SLC8A1: variants seen among roughly 807,000 people sequenced by gnomAD.
SLC8A1 encodes sodium/calcium exchanger 1.
In SLC8A1, 18 loss-of-function variants were observed where a neutral mutation model predicts 68.3. That is an observed-to-expected ratio of 0.26 (90% CI 0.18 to 0.39). The LOEUF (loss-of-function observed/expected upper bound fraction) is 0.39. Ranked by LOEUF, SLC8A1 falls within the 10% of genes least tolerant of loss-of-function variation. SLC8A1 has a pLI of 1.00. For missense variants in SLC8A1, 985 were observed against 1,156.7 expected (o/e 0.85, Z 2.15); for synonymous variants, 475 against 415.5 (o/e 1.14, Z -1.74).
At chr2:40,417,147 G>C (rs910612319) in intron 2 of SLC8A1, among the ~76,000 whole-genome samples, 2 of 151,968 alleles carry the variant, frequency 1.3e-5, no homozygotes, top group Non-Finnish European at 2.9e-5. Context: ...ATGACCAATT[G>C]TTATTTTTAC....
chr2:40,196,560 G>A (rs2053073835), intron 2 of SLC8A1, among the ~76,000 whole-genome samples: 1 of 151,942 alleles, frequency 6.6e-6, no homozygotes, highest in African/African-American at 2.4e-5. Context: ...TAGATGAAAG[G>A]TGAGCATGGG....
chr2:40,384,931 C>T (rs1008804718), intron 2 of SLC8A1, among the ~76,000 whole-genome samples: 1 of 151,938 alleles, frequency 6.6e-6, no homozygotes, highest in African/African-American at 2.4e-5. Flanking sequence ...ACAAGGATTG[C>T]ATAATCAAGG....
intron 7 of SLC8A1, among the ~76,000 whole-genome samples, chr2:40,135,827 A>G (rs1256797239): frequency 1.3e-5 from 2 of 152,206 alleles, no homozygotes; most frequent in Non-Finnish European, 2.9e-5. Context: ...TTCTCCTGAG[A>G]AAGGCAAGAT....
chr2:40,398,370 G>C (rs773008483), intron 2 of SLC8A1, among the ~76,000 whole-genome samples: 1 of 152,070 alleles, frequency 6.6e-6, no homozygotes, highest in Non-Finnish European at 1.5e-5. Context: ...CATATGTCAT[G>C]GTACTGTCTT....
In SLC8A1 at chr2:40,411,628, A is replaced by C. The variant is rs1293780783; in HGVS notation, c.1808+16845T>G. On this transcript the variant is annotated intron_variant, in intron 2 of 7. Transcript: ENST00000406785. ...CAAAAACAATGTCAAAACAAAAACA[A>C]ACAATAGGGGCCTCATTAAATAAAT... 2.6e-5 allele frequency among the ~76,000 whole-genome samples: 4 copies of C among 152,052 alleles called. No individual in the cohort carries two copies. The South Asian group carries it at 6.2e-4, about 24-fold the overall frequency.
intron 2 of SLC8A1, among the ~76,000 whole-genome samples, chr2:40,333,765 A>G (rs553353633): frequency 2.6e-5 from 4 of 151,788 alleles, no homozygotes; most frequent in Non-Finnish European, 4.4e-5. Context: ...AAATATCAAT[A>G]TGGGCTGGGC....
At chr2:40,120,341 A>G (rs1265572804) in intron 7 of SLC8A1, among the ~76,000 whole-genome samples, 1 of 152,160 alleles carries the variant, frequency 6.6e-6, no homozygotes, top group African/African-American at 2.4e-5. Flanking sequence ...ACCTTGACGT[A>G]TTCGTTCACT....
chr2:40,161,532 T>G (rs1460133523), intron 5 of SLC8A1, among the ~76,000 whole-genome samples: 2 of 152,200 alleles, frequency 1.3e-5, no homozygotes, highest in Non-Finnish European at 2.9e-5. Flanking sequence ...AAATCTCCCC[T>G]GCTTTACTGG....
In SLC8A1 at chr2:40,364,194, TA is replaced by T. The variant is rs1409480407; in HGVS notation, c.1808+64278del. On this transcript the variant is annotated intron_variant, in intron 2 of 7. Transcript: ENST00000406785. ...TATCAGATAATTAAAACAAAACATATAAAAACATATCAGCTGATATTATTTT... is the reference window on the plus strand; with the variant it reads ...TATCAGATAATTAAAACAAAACATATAAAACATATCAGCTGATATTATTTT... 4.6e-5 allele frequency among the ~76,000 whole-genome samples: 7 copies of T among 152,078 alleles called. No homozygotes were observed. The South Asian group carries it at 1.2e-3, about 27-fold the overall frequency.
At chr2:40,439,650 C>T (rs556513661) in intron 1 of SLC8A1, among the ~76,000 whole-genome samples, 37 of 152,170 alleles carry the variant, frequency 2.4e-4, no homozygotes, top group African/African-American at 8.2e-4. Context: ...TGAATTTCAT[C>T]AGCTTTTTCA....
chr2:40,208,676 C>A (rs1178665657), intron 2 of SLC8A1, among the ~76,000 whole-genome samples: 3 of 152,136 alleles, frequency 2.0e-5, no homozygotes, highest in Non-Finnish European at 2.9e-5. Context: ...GAAAGAGTTG[C>A]CAAATTTGGG....
At chr2:40,332,510 T>C (rs1445739222) in intron 2 of SLC8A1, among the ~76,000 whole-genome samples, 1 of 152,136 alleles carries the variant, frequency 6.6e-6, no homozygotes, top group East Asian at 1.9e-4. Context: ...ACTCCAGTCT[T>C]CCCTCAACTT....
rs1362111516 is a variant in SLC8A1, at chr2:40,462,172, A to G, written c.-24-31868T>C. Among the ~76,000 whole-genome samples the G allele has an allele frequency of 3.3e-5, 5 of 151,332 alleles. No homozygotes were observed. The East Asian group carries it at 9.7e-4, about 29-fold the overall frequency. On this transcript the variant is annotated intron_variant, in intron 1 of 7. Coordinates refer to the SLC8A1 transcript ENST00000402441. ...CAGGCATGCACCACCACACCTGGCT[A>G]ATTTTTGTATTTTTAGTAGAGATGG...
At chr2:40,478,858 G>C (rs571061233) in intron 1 of SLC8A1, among the ~76,000 whole-genome samples, 46 of 150,848 alleles carry the variant, frequency 3.0e-4, no homozygotes, top group African/African-American at 1.1e-3. Context: ...TGCAACCTCC[G>C]CCTCCTGGGT....
chr2:40,142,422 T>C (rs183311892), intron 6 of SLC8A1, among the ~76,000 whole-genome samples: 96 of 152,298 alleles, frequency 6.3e-4, no homozygotes, highest in Middle Eastern at 3.4e-3. Flanking sequence ...GTTATATTTA[T>C]TTTGGATCCT....
intron 2 of SLC8A1, among the ~76,000 whole-genome samples, chr2:40,424,659 A>G (rs1007282111): frequency 2.6e-5 from 4 of 151,880 alleles, no homozygotes; most frequent in Non-Finnish European, 5.9e-5. Context: ...AATATGTTAT[A>G]CTATGACTAG....
intron 2 of SLC8A1, among the ~76,000 whole-genome samples, chr2:40,197,768 C>T (rs1020569277): frequency 5.3e-5 from 4 of 76,020 alleles, no homozygotes; most frequent in African/African-American, 1.5e-4. Flanking sequence ...ACCTTTTCTC[C>T]ACTTTCTATG....
At chr2:40,378,112 C>A (rs529920752) in intron 2 of SLC8A1, among the ~76,000 whole-genome samples, 2 of 152,054 alleles carry the variant, frequency 1.3e-5, no homozygotes, top group Non-Finnish European at 2.9e-5. Flanking sequence ...AGATAAAAAT[C>A]TATGCCTTTA....
chr2:40,202,332 A>G (rs2054539914), intron 2 of SLC8A1, among the ~76,000 whole-genome samples: 1 of 151,976 alleles, frequency 6.6e-6, no homozygotes, highest in Non-Finnish European at 1.5e-5. Context: ...TCACAAAGCT[A>G]TCTGTGATTT....
Sources: allele counts gnomAD v4.1 joint callset (sites outside exome capture counted in the v4.1 genomes callset), GRCh38; gene constraint gnomAD v4.1.1; transcripts MANE v1.5; gene names NCBI Gene and HGNC (gene_info 2026-07-23, HGNC 2026-07-21).